Variants in PREX1 observed in about 807,000 individuals in gnomAD.
PREX1 encodes phosphatidylinositol-3,4,5-trisphosphate dependent Rac exchange factor 1, also known as phosphatidylinositol 3,4,5-trisphosphate-dependent Rac exchanger 1 protein.
In PREX1, 41 loss-of-function variants were observed where a neutral mutation model predicts 198.3. That is an observed-to-expected ratio of 0.21 (90% CI 0.16 to 0.27). The LOEUF is 0.27. Among genes scored for constraint, PREX1 ranks in the 10% least tolerant of loss-of-function variants. The pLI is 1.00. For missense variants in PREX1, 1,620 were observed against 2,200.7 expected, an observed-to-expected ratio of 0.74 and a Z score of 5.28; for synonymous variants, 843 against 887.2, an observed-to-expected ratio of 0.95 and a Z score of 0.89.
At chr20:48,734,732 T>C (rs1302874087) in intron 3 of PREX1, 82 bp from the exon 4 acceptor site, 8 of 1,269,432 alleles carry the variant, frequency 6.3e-6, no homozygotes, top group Admixed American at 1.7e-5. Context: ...ACTGGGCTGG[T>C]AGGGTAGGGG....
rs1280293613 is a variant in PREX1, at chr20:48,640,793, G to A, written c.3776-899C>T. The stretch of plus-strand genomic sequence containing the variant: ...TGAATGGGTAGAAGGGTGAAAGAGT[G>A]GGCACACAGATGGAAGGAGGGAAGG... On this transcript the variant is annotated intron_variant, in intron 29 of 39. Coordinates refer to ENST00000371941, the MANE Select transcript of PREX1 (RefSeq NM_020820.4). 2.6e-5 allele frequency among the ~76,000 whole-genome samples: 4 copies of A among 151,256 alleles called. No individual in the cohort carries two copies. In the Admixed American group the frequency reaches 2.6e-4, roughly 10 times the overall value.
intron 7 of PREX1, among the ~76,000 whole-genome samples, chr20:48,699,090 C>T (rs888165012): frequency 1.2e-4 from 18 of 152,286 alleles, no homozygotes; most frequent in Admixed American, 1.0e-3. Context: ...GGGAAGCCCA[C>T]ACACGGGCAT....
chr20:48,628,093 A>C, intron 37 of PREX1, 130 bp from the exon 38 acceptor site: 1 of 659,770 alleles, frequency 1.5e-6, no homozygotes, highest in Non-Finnish European at 2.6e-6. Flanking sequence ...CCCAGACCCA[A>C]TCCTGACCAT....
At chr20:48,627,990 G>A in intron 37 of PREX1, 27 bp from the exon 38 acceptor site, 1 of 1,433,468 alleles carries the variant, frequency 7.0e-7, no homozygotes, top group Non-Finnish European at 9.7e-7. Context: ...AGGACAGCGG[G>A]TTGGCGGTGG....
chr20:48,686,596 G>A (rs1055564099), intron 10 of PREX1, among the ~76,000 whole-genome samples: 1 of 152,132 alleles, frequency 6.6e-6, no homozygotes. Flanking sequence ...CCTCCTGAGA[G>A]AAAAACCTCC....
chr20:48,713,857 T>TAAAAAAAAAAAAAAAAAAAAAA (rs71337452), intron 5 of PREX1, among the ~76,000 whole-genome samples: 3 of 81,732 alleles, frequency 3.7e-5, no homozygotes, highest in East Asian at 3.0e-4. Flanking sequence ...CCCAGAACTA[T>TAAAAAAAAAAAAAAAAAAAAAA]AAAAAAAAAA....
rs151257575 is a variant in PREX1 at position 48,627,934 on chromosome 20, G to A, written c.4796C>T (p.Ala1599Val). The A allele has an allele frequency of 5.8e-5, 94 of 1,611,434 alleles. No individual in the cohort carries two copies. The Middle Eastern group carries it at 7.6e-4, about 13-fold the overall frequency. ...RSTLSVSLEQ[A>V]AILARSHGLL... ...CCCGTGGCTCCGTGCCAAGATGGCC[G>A]CCTGCTCCAGGGACACGCTCAGGGT... Residue 1599 changes from alanine (A) to valine (V), a missense_variant, in exon 38 of 40, where the codon GCG becomes GTG. Transcript: ENST00000371941.
intron 37 of PREX1, 93 bp downstream of exon 37, chr20:48,629,356 C>G: frequency 6.7e-7 from 1 of 1,491,014 alleles, no homozygotes; most frequent in African/African-American, 1.4e-5. Flanking sequence ...GGATTGGAAC[C>G]CAGCCTTCCT....
chr20:48,734,672 T>G, intron 3 of PREX1, 22 bp from the exon 4 acceptor site: 1 of 1,607,444 alleles, frequency 6.2e-7, no homozygotes, highest in Non-Finnish European at 8.5e-7. Flanking sequence ...GGACAGAGCC[T>G]GTGGGAGGCA....
At chr20:48,875,463 C>T in the PREX1 span, among the ~76,000 whole-genome samples, 1 of 152,018 alleles carries the variant, frequency 6.6e-6, no homozygotes, top group Non-Finnish European at 1.5e-5. Flanking sequence ...GTGACATGAC[C>T]ACAAGCTGGT....
chr20:48,733,729 T>G (rs1361308401), intron 4 of PREX1, among the ~76,000 whole-genome samples: 1 of 152,210 alleles, frequency 6.6e-6, no homozygotes, highest in Non-Finnish European at 1.5e-5. Context: ...GTTGTTTTGC[T>G]TCTGCCAGTT....
chr20:48,799,614 A>G (rs1372453576), intron 1 of PREX1, among the ~76,000 whole-genome samples: 1 of 152,204 alleles, frequency 6.6e-6, no homozygotes, highest in East Asian at 1.9e-4. Flanking sequence ...TAATACAGCC[A>G]AAGACTGGAG....
At chr20:48,749,304 G>GTCACC (rs1342376878) in intron 1 of PREX1, among the ~76,000 whole-genome samples, 1 of 152,180 alleles carries the variant, frequency 6.6e-6, no homozygotes, top group Non-Finnish European at 1.5e-5. Context: ...GGGCCTATCA[G>GTCACC]TCACCTGCCC....
rs757194148 is a variant in PREX1, at chr20:48,649,591, G to A, written c.3029-15C>T. On this transcript the variant is annotated splice_polypyrimidine_tract_variant and intron_variant, in intron 24 of 39. Transcript: ENST00000371941. ...GTTCAGGTGGCCTGCAGTGGAGGAA[G>A]AGAGAGCTCACTGGAAAACAGCCCC... The A allele has an allele frequency of 1.3e-6, 2 of 1,565,444 alleles. No individual in the cohort carries two copies. The highest frequency in any genetic ancestry group is 1.2e-5 in the South Asian group (1 of 86,498).
At chr20:48,845,840 A>C in the PREX1 span, among the ~76,000 whole-genome samples, 1 of 152,210 alleles carries the variant, frequency 6.6e-6, no homozygotes, top group Non-Finnish European at 1.5e-5. Flanking sequence ...CAGATCCAGC[A>C]GGGCCTCAAA....
Position 48,625,107 on chromosome 20 carries a change from T to C in PREX1, c.*778A>G, listed in dbSNP as rs2089260245. ...GAACAGTTGTCAATACTACCTTCTG[T>C]TGGTCCCCTGTTAGACAACATACCT... On this transcript the variant is annotated 3_prime_UTR_variant, in exon 40 of 40. Transcript: ENST00000371941. 6.6e-6 allele frequency: 1 copy of C among 152,654 alleles called. No individual in the cohort carries two copies. Among genetic ancestry groups the C allele is most frequent in the African/African-American group, 2.4e-5 (1 of 41,462 alleles). The allele number at this position is 152,654 out of a possible 1,614,324, so 9.5% of individuals were successfully genotyped here. A position where few individuals can be genotyped will look rare whatever the true frequency, so the allele number is the denominator to read the frequency against.
intron 1 of PREX1, among the ~76,000 whole-genome samples, chr20:48,813,200 T>C (rs1162692497): frequency 6.6e-6 from 1 of 152,184 alleles, no homozygotes; most frequent in African/African-American, 2.4e-5. Context: ...AACAAGTCTA[T>C]GAGGTAGGGA....
At chr20:48,858,051 G>A in the PREX1 span, among the ~76,000 whole-genome samples, 5 of 152,236 alleles carry the variant, frequency 3.3e-5, no homozygotes, top group Non-Finnish European at 7.3e-5. Flanking sequence ...AGCGGCAGGG[G>A]CCATGTCTCA....
chr20:48,632,210 A>G, intron 35 of PREX1, 67 bp downstream of exon 35: 1 of 1,491,634 alleles, frequency 6.7e-7, no homozygotes, highest in Non-Finnish European at 9.3e-7. Flanking sequence ...GGCACCTTCC[A>G]TGCTAATGCC....
Sources: gnomAD v4.1 joint callset for allele counts (sites outside exome capture counted in the v4.1 genomes callset) on GRCh38, gnomAD v4.1.1 for gene constraint, MANE v1.5 for transcripts, NCBI Gene and HGNC (gene_info 2026-07-23, HGNC 2026-07-21) for gene names.